The following ADK variants were observed in gnomAD, a reference collection of about 807,000 sequenced individuals.
ADK encodes adenosine kinase.
In ADK, 24 loss-of-function variants were observed where a neutral mutation model predicts 44.7. The ratio of observed to expected loss-of-function variants is 0.54; its 90% CI spans 0.39 to 0.76. The LOEUF is 0.76. ADK is among the 30% of genes least tolerant of loss of function. The pLI is 0.00. For synonymous variants in ADK, 128 were observed against 142.6 expected (o/e 0.90, Z 0.73); for missense variants, 321 against 425.1 (o/e 0.76, Z 2.15).
At chr10:74,465,638 T>A (rs1846326519) in intron 6 of ADK, among the ~76,000 whole-genome samples, 1 of 152,106 alleles carries the variant, frequency 6.6e-6, no homozygotes, top group Non-Finnish European at 1.5e-5. Flanking sequence ...AATGGAGGTG[T>A]TAAGATACAA....
At chr10:74,576,902 A>G (rs75233336) in intron 7 of ADK, among the ~76,000 whole-genome samples, 1,844 of 152,270 alleles carry the variant, frequency 0.012, 43 homozygotes, top group African/African-American at 0.042. Context: ...GAGGGTCTAC[A>G]TGGTAGATAC....
intron 6 of ADK, among the ~76,000 whole-genome samples, chr10:74,436,150 A>T (rs1313640787): frequency 2.6e-5 from 4 of 152,230 alleles, no homozygotes; most frequent in African/African-American, 9.6e-5. Flanking sequence ...AGCAGAAAGG[A>T]GGTGCATGGC....
intron 9 of ADK, among the ~76,000 whole-genome samples, chr10:74,659,900 A>G (rs1304051196): frequency 1.3e-5 from 2 of 152,158 alleles, no homozygotes; most frequent in East Asian, 1.9e-4. Flanking sequence ...GACTTTGGCA[A>G]CACCCTCACA....
chr10:74,292,636 G>A (rs1162806636), intron 3 of ADK, among the ~76,000 whole-genome samples: 4 of 151,900 alleles, frequency 2.6e-5, no homozygotes, highest in South Asian at 2.1e-4. Context: ...TATCCTTCTC[G>A]TTATTCAGGA....
At chr10:74,528,678 AAACT>A (rs769800795) in intron 7 of ADK, among the ~76,000 whole-genome samples, 17 of 152,214 alleles carry the variant, frequency 1.1e-4, no homozygotes, top group South Asian at 2.1e-4. Flanking sequence ...AACAATAAGC[AAACT>A]AACAACATAA....
intron 3 of ADK, among the ~76,000 whole-genome samples, chr10:74,253,932 A>G (rs564562986): frequency 3.3e-5 from 5 of 151,784 alleles, no homozygotes; most frequent in Non-Finnish European, 5.9e-5. Flanking sequence ...ATGCCTAACA[A>G]ATTTTTGTAT....
At chr10:74,382,240 AGG>A (rs1842994721) in intron 4 of ADK, among the ~76,000 whole-genome samples, 1 of 152,164 alleles carries the variant, frequency 6.6e-6, no homozygotes, top group Non-Finnish European at 1.5e-5. Context: ...CTAGAACTAC[AGG>A]TGCACACCAC....
rs1855921678 is a variant in ADK at position 74,689,797 on chromosome 10, C to T, written c.965-18524C>T. On this transcript the variant is annotated intron_variant, in intron 10 of 10. Transcript: ENST00000539909. ...CCTCAAGCCACAGAATTGTTCTTAGCTCTTTAACTTTTGTCAGCACCCACA... is the reference window on the plus strand; with the variant it reads ...CCTCAAGCCACAGAATTGTTCTTAGTTCTTTAACTTTTGTCAGCACCCACA... Among the ~76,000 whole-genome samples the T allele has an allele frequency of 2.0e-5, 3 of 152,210 alleles. No individual in the cohort carries two copies. The South Asian group carries it at 6.2e-4, about 31-fold the overall frequency.
At chr10:74,282,641 A>C (rs542806109) in intron 3 of ADK, among the ~76,000 whole-genome samples, 6 of 152,280 alleles carry the variant, frequency 3.9e-5, no homozygotes, top group African/African-American at 1.4e-4. Flanking sequence ...GATGATGAGA[A>C]CACTGGAAGC....
chr10:74,581,821 G>A (rs897708579), intron 7 of ADK, among the ~76,000 whole-genome samples: 7 of 152,178 alleles, frequency 4.6e-5, no homozygotes, highest in Non-Finnish European at 1.0e-4. Context: ...TCTAGACCCA[G>A]TGAAAATACC....
chr10:74,386,903 A>G (rs774762034), intron 4 of ADK, among the ~76,000 whole-genome samples: 2 of 151,774 alleles, frequency 1.3e-5, no homozygotes, highest in Non-Finnish European at 2.9e-5. Flanking sequence ...AGTGACGTCT[A>G]TCAGACACAG....
At chr10:74,308,951 G>A (rs2132547542) in intron 3 of ADK, among the ~76,000 whole-genome samples, 1 of 151,908 alleles carries the variant, frequency 6.6e-6, no homozygotes, top group Non-Finnish European at 1.5e-5. Context: ...TTGCCCTTAG[G>A]TAGAACTGGA....
chr10:74,620,608 A>G (rs10740440), intron 9 of ADK, among the ~76,000 whole-genome samples: 29,438 of 152,086 alleles, frequency 0.19, 3,271 homozygotes, highest in African/African-American at 0.29. Flanking sequence ...TAACGTACTA[A>G]TTTCCTTTCC....
intron 6 of ADK, among the ~76,000 whole-genome samples, chr10:74,417,380 G>T (rs1414681489): frequency 6.6e-6 from 1 of 151,916 alleles, no homozygotes; most frequent in Non-Finnish European, 1.5e-5. Context: ...ATTTCAGTCT[G>T]TCAGGGTTGT....
chr10:74,458,144 TTTG>T (rs1249912158), intron 6 of ADK, among the ~76,000 whole-genome samples: 15 of 56,372 alleles, frequency 2.7e-4, no homozygotes, highest in Admixed American at 1.7e-3. Context: ...TTTTTTTTTT[TTTG>T]GGGGGAGAAG....
At chr10:74,307,145 C>T (rs1840283909) in intron 3 of ADK, among the ~76,000 whole-genome samples, 1 of 152,120 alleles carries the variant, frequency 6.6e-6, no homozygotes, top group African/African-American at 2.4e-5. Flanking sequence ...TTTTTATTCT[C>T]CACTCCTTCT....
chr10:74,208,835 C>G (rs2132182208), intron 2 of ADK, among the ~76,000 whole-genome samples: 1 of 152,204 alleles, frequency 6.6e-6, no homozygotes, highest in African/African-American at 2.4e-5. Flanking sequence ...CTCCCAGGTT[C>G]AAGCGATCCT....
rs532725931 is a variant in ADK at position 74,622,497 on chromosome 10, G to C, written c.877+22004G>C. On this transcript the variant is annotated intron_variant, in intron 9 of 10. Transcript: ENST00000539909. ...TGGTTTACTACAAGCTATGGCATTA[G>C]AGCCTAACCAATAGGTCCCTTATTG... Among the ~76,000 whole-genome samples, 159 of 152,098 alleles carry C rather than the reference G, an allele frequency of 1.0e-3. 3 individuals carry two copies. The highest frequency in any genetic ancestry group is 9.9e-3 in the Admixed American group (151 of 15,266).
intron 6 of ADK, among the ~76,000 whole-genome samples, chr10:74,439,329 T>C (rs1845310783): frequency 1.1e-5 from 1 of 89,534 alleles, no homozygotes; most frequent in Admixed American, 1.2e-4. Flanking sequence ...TGTTTTTCTT[T>C]TTCCTTCCCT....
Sources: gnomAD v4.1 joint callset for allele counts (sites outside exome capture counted in the v4.1 genomes callset) on GRCh38, gnomAD v4.1.1 for gene constraint, MANE v1.5 for transcripts, NCBI Gene and HGNC (gene_info 2026-07-23, HGNC 2026-07-21) for gene names.